The following PC variants were observed in gnomAD, a reference collection of about 807,000 sequenced individuals.
The protein encoded by PC is pyruvate carboxylase.
A neutral mutation model predicts 107.8 loss-of-function variants in PC; 46 were observed. The observed-to-expected ratio is 0.43, with a 90% confidence interval of 0.34 to 0.55. The LOEUF is 0.55. PC is among the 20% of genes least tolerant of loss of function. The pLI is 0.04. For missense variants in PC, 1,241 were observed against 1,643.1 expected, an observed-to-expected ratio of 0.76 and a Z score of 4.23; for synonymous variants, 662 against 684.7, an observed-to-expected ratio of 0.97 and a Z score of 0.52.
intron 11 of PC, among the ~76,000 whole-genome samples, chr11:66,865,002 C>G (rs1946430204): frequency 6.6e-6 from 1 of 152,224 alleles, no homozygotes; most frequent in Non-Finnish European, 1.5e-5. Context: ...AGAGCAGAAA[C>G]TGTCGGCTAA....
chr11:66,948,151 G>A (rs559591067), intron 3 of PC, among the ~76,000 whole-genome samples: 190 of 150,930 alleles, frequency 1.3e-3, no homozygotes, highest in Non-Finnish European at 2.4e-3. Context: ...AGGCTGCAGT[G>A]AGCTATGATC....
At chr11:66,875,081 G>T (rs1453874299) in intron 3 of PC, among the ~76,000 whole-genome samples, 1 of 152,184 alleles carries the variant, frequency 6.6e-6, no homozygotes, top group African/African-American at 2.4e-5. Context: ...AGTGGTTGAG[G>T]CCTCCCTTCA....
intron 3 of PC, among the ~76,000 whole-genome samples, chr11:66,902,942 G>A (rs2136048092): frequency 6.6e-6 from 1 of 152,366 alleles, no homozygotes; most frequent in Non-Finnish European, 1.5e-5. Context: ...CACAGCGGCT[G>A]CGGCAAGCCG....
intron 3 of PC, among the ~76,000 whole-genome samples, chr11:66,940,279 G>A (rs1949099095): frequency 6.6e-6 from 1 of 150,420 alleles, no homozygotes; most frequent in Non-Finnish European, 1.5e-5. Flanking sequence ...ACTCACTGCA[G>A]CCTCGACTTC....
At chr11:66,910,430 T>TACATAGAA (rs1948302845) in intron 3 of PC, among the ~76,000 whole-genome samples, 1 of 152,244 alleles carries the variant, frequency 6.6e-6, no homozygotes, top group Non-Finnish European at 1.5e-5. Context: ...CATACATTGA[T>TACATAGAA]GTCGTATGAC....
intron 3 of PC, among the ~76,000 whole-genome samples, chr11:66,876,833 C>A (rs529685497): frequency 7.2e-5 from 11 of 152,316 alleles, no homozygotes; most frequent in East Asian, 3.9e-4. Context: ...CAAGTTACCA[C>A]ATAGGGCAAA....
Position 66,876,821 on chromosome 11 carries a change from C to T in PC, c.1-4662G>A, listed in dbSNP as rs376565038. On this transcript the variant is annotated intron_variant, in intron 3 of 22. Coordinates refer to ENST00000393960, the MANE Select transcript of PC (RefSeq NM_001040716.2). ...GCTGGGAAAGGCCATGTCAAAAGAG[C>T]TCAAGTTACCACATAGGGCAAAGTC... Among the ~76,000 whole-genome samples the T allele has an allele frequency of 7.2e-5, 11 of 152,304 alleles. No individual in the cohort carries two copies. The South Asian group carries it at 2.3e-3, about 32-fold the overall frequency.
At chr11:66,933,377 T>C (rs1467810384) in intron 3 of PC, among the ~76,000 whole-genome samples, 1 of 152,156 alleles carries the variant, frequency 6.6e-6, no homozygotes, top group Admixed American at 6.5e-5. Flanking sequence ...TCCGGGTAAG[T>C]CTCAACGCTT....
At position 66,851,865 on chromosome 11, in the gene PC, T is replaced by C. The variant is rs929834077; in HGVS notation, c.1907A>G (p.Asn636Ser). The C allele has an allele frequency of 7.4e-6, 12 of 1,613,952 alleles. No individual in the cohort carries two copies. The highest frequency in any genetic ancestry group is 1.0e-5 in the Non-Finnish European group (12 of 1,180,002). ...RLQELRELIP[N>S]IPFQMLLRGA... ...CCGCAGCAGCATCTGGAAAGGGATG[T>C]TGGGGATGAGCTCCCGGAGCTCCTG... Residue 636 changes from asparagine (N) to serine (S), a missense_variant, in exon 16 of 23, where the codon AAC (asparagine) becomes AGC (serine). By Grantham distance (46) the Asn-to-Ser change is conservative (BLOSUM62 1). Coordinates refer to ENST00000393960, the MANE Select transcript of PC (RefSeq NM_001040716.2).
At chr11:66,876,261 A>C (rs1946974026) in intron 3 of PC, among the ~76,000 whole-genome samples, 1 of 152,214 alleles carries the variant, frequency 6.6e-6, no homozygotes. Context: ...CCTCATTCTT[A>C]GGGAAAAACA....
chr11:66,925,676 TAAGATTGA>T (rs1297221765), intron 3 of PC, among the ~76,000 whole-genome samples: 1 of 152,104 alleles, frequency 6.6e-6, no homozygotes, highest in Non-Finnish European at 1.5e-5. Flanking sequence ...ACAAAGATGA[TAAGATTGA>T]AAGATTAAAG....
chr11:66,882,074 C>T (rs774302745), intron 3 of PC, among the ~76,000 whole-genome samples: 13 of 152,212 alleles, frequency 8.5e-5, no homozygotes, highest in Non-Finnish European at 1.6e-4. Context: ...TCAGCAGTCA[C>T]ATGTCCCAGA....
intron 3 of PC, among the ~76,000 whole-genome samples, chr11:66,935,578 T>G (rs1008063839): frequency 1.3e-5 from 2 of 152,198 alleles, no homozygotes; most frequent in Non-Finnish European, 2.9e-5. Flanking sequence ...TTCAGCCCTG[T>G]GCACTGTAAC....
At position 66,852,505 on chromosome 11, in the gene PC, G is replaced by A. The variant is rs767311970; in HGVS notation, c.1759C>T (p.Leu587Phe). ...GCAACATAGGGGGCGATCTTTTTGAGATCGTGGGTGCGCACACGAGTGGCC... is the reference window on the plus strand; with the variant it reads ...GCAACATAGGGGGCGATCTTTTTGAAATCGTGGGTGCGCACACGAGTGGCC... ...LLATRVRTHD[L>F]KKIAPYVAHN... The change falls in exon 15 of 23, where the codon CTC (leucine) becomes TTC (phenylalanine). Residue 587 changes from leucine to phenylalanine, a missense_variant. By Grantham distance (22) the Leu-to-Phe change is conservative (BLOSUM62 0). Around this residue, in one of 2 missense-constraint regions of PC, gnomAD observed 1,143 missense variants for 1,551.9 expected, o/e 0.74. Coordinates refer to ENST00000393960, the MANE Select transcript of PC (RefSeq NM_001040716.2). This position sits in a 1 kb window ranked among gnomAD's most constrained non-coding sequence, Gnocchi z 4.7. The A allele has an allele frequency of 6.2e-7, 1 of 1,614,078 alleles. No individual in the cohort carries two copies. Among genetic ancestry groups the A allele is most frequent in the South Asian group, 1.1e-5 (1 of 91,084 alleles).
At chr11:66,878,915 G>A (rs575587333) in intron 3 of PC, among the ~76,000 whole-genome samples, 1 of 152,326 alleles carries the variant, frequency 6.6e-6, no homozygotes, top group South Asian at 2.1e-4. Context: ...CCAGCTCCAT[G>A]GTTTGGGCAC....
intron 3 of PC, among the ~76,000 whole-genome samples, chr11:66,896,217 TAC>T (rs1947754857): frequency 6.6e-6 from 1 of 152,180 alleles, no homozygotes; most frequent in African/African-American, 2.4e-5. Flanking sequence ...TAGCTGGGAT[TAC>T]AGACATGTGC....
chr11:66,943,755 C>CAAAA lies in PC; in HGVS notation c.-1+8671_-1+8674dup, dbSNP rs34245785. Among the ~76,000 whole-genome samples the CAAAA allele has an allele frequency of 3.2e-3, 56 of 17,596 alleles. 2 individuals carry two copies. Among genetic ancestry groups the CAAAA allele is most frequent in the Admixed American group, 3.7e-3 (3 of 806 alleles). 11.5% of individuals were successfully genotyped at this position (17,596 alleles called of 152,430 possible). ...TGGGCTATAGAGCAAGACTCCGGCT[C>CAAAA]AAAAAAAAAAAAAAAAAAAAAAAAA... On this transcript the variant is annotated intron_variant, in intron 3 of 22. Transcript: ENST00000393960.
intron 3 of PC, among the ~76,000 whole-genome samples, chr11:66,905,013 T>C (rs555643095): frequency 2.0e-5 from 3 of 152,188 alleles, no homozygotes; most frequent in Non-Finnish European, 2.9e-5. Context: ...TAAACCACAA[T>C]ACATATGCAA....
rs1946490170 is a variant in PC, at chr11:66,866,281, T to C, written c.1091A>G (p.Gln364Arg). The C allele has an allele frequency of 6.2e-7, 1 of 1,613,032 alleles. No homozygotes were observed. Among genetic ancestry groups the C allele is most frequent in the Non-Finnish European group, 8.5e-7 (1 of 1,179,846 alleles). ...ACACCCGTTGATGCGGATGTTCTCC[T>C]GCCGCAGGCCCAGGTCGGGTAGGCT... ...GRSLPDLGLR[Q>R]ENIRINGCAI... The change falls in exon 11 of 23, where the codon CAG becomes CGG. Residue 364 changes from glutamine to arginine, a missense_variant. Around this residue, in one of 2 missense-constraint regions of PC, gnomAD observed 1,143 missense variants for 1,551.9 expected, o/e 0.74. Coordinates refer to ENST00000393960, the MANE Select transcript of PC (RefSeq NM_001040716.2). This position sits in a 1 kb window ranked among gnomAD's most constrained non-coding sequence, Gnocchi z 5.4.
Sources: gnomAD v4.1 joint callset for allele counts (sites outside exome capture counted in the v4.1 genomes callset) on GRCh38, gnomAD v4.1.1 for gene constraint, gnomAD v4.1.1 regional missense constraint, Gnocchi (gnomAD v3.1) non-coding constraint, MANE v1.5 for transcripts, NCBI Gene and HGNC (gene_info 2026-07-23, HGNC 2026-07-21) for gene names.